The following RAB27B variants were observed in gnomAD, a reference collection of about 807,000 sequenced individuals.
The protein encoded by RAB27B is RAB27B, member RAS oncogene family.
Under a neutral mutation model 24.6 loss-of-function variants are expected in RAB27B, and 15 were observed. The ratio of observed to expected loss-of-function variants is 0.61; its 90% CI spans 0.41 to 0.94. The LOEUF (loss-of-function observed/expected upper bound fraction) is 0.94. RAB27B is among the 40% of genes least tolerant of loss of function. RAB27B has a pLI of 0.00. For synonymous variants in RAB27B, 105 were observed against 92.5 expected (o/e 1.14, Z -0.78); for missense variants, 261 against 266.8 (o/e 0.98, Z 0.15).
intron 1 of RAB27B, among the ~76,000 whole-genome samples, chr18:54,866,302 G>A (rs1321906845): frequency 2.8e-5 from 4 of 141,132 alleles, no homozygotes; most frequent in African/African-American, 5.1e-5. Flanking sequence ...TGCCCCCCGC[G>A]CCCTGCGCTC....
At position 54,891,460 on chromosome 18, in the gene RAB27B, T is replaced by G. The variant is rs1455204710; in HGVS notation, c.*2047T>G. On this transcript the variant is annotated 3_prime_UTR_variant, in exon 6 of 6. Transcript: ENST00000262094. ...GCCATGAAGATAGAAAACTGTAAGC[T>G]AACATTTAAGATGTTTCTTCTGGAA... 6.6e-6 allele frequency: 1 copy of G among 152,104 alleles called. No homozygotes were observed. The highest frequency in any genetic ancestry group is 1.5e-5 in the Non-Finnish European group (1 of 68,002). 9.4% of individuals were successfully genotyped at this position (152,104 alleles called of 1,614,324 possible). A position where few individuals can be genotyped will look rare whatever the true frequency, so the allele number is the denominator to read the frequency against.
intron 2 of RAB27B, among the ~76,000 whole-genome samples, chr18:54,737,610 G>C (rs1229611603): frequency 6.6e-6 from 1 of 152,088 alleles, no homozygotes; most frequent in Non-Finnish European, 1.5e-5. Flanking sequence ...AATAATCTTT[G>C]TATTTCCAGC....
intron 1 of RAB27B, among the ~76,000 whole-genome samples, chr18:54,850,394 CAG>C (rs1404946132): frequency 3.9e-5 from 5 of 127,286 alleles, no homozygotes; most frequent in African/African-American, 1.6e-4. Flanking sequence ...TTTCTTGAGA[CAG>C]AGTCTCACTC....
chr18:54,797,779 A>G (rs1025506848), intron 2 of RAB27B, among the ~76,000 whole-genome samples: 6 of 152,172 alleles, frequency 3.9e-5, no homozygotes, highest in African/African-American at 1.4e-4. Context: ...AACTGAGAAT[A>G]GTTAACATTT....
intron 1 of RAB27B, among the ~76,000 whole-genome samples, chr18:54,836,319 T>C (rs1405309291): frequency 3.3e-5 from 5 of 151,974 alleles, no homozygotes; most frequent in Non-Finnish European, 5.9e-5. Flanking sequence ...TCTGATTCCT[T>C]ACAGTTTTCA....
chr18:54,755,980 T>G (rs903755917), intron 2 of RAB27B, among the ~76,000 whole-genome samples: 1 of 152,218 alleles, frequency 6.6e-6, no homozygotes, highest in Non-Finnish European at 1.5e-5. Flanking sequence ...AACCTATTAA[T>G]AGTAACTGTT....
At chr18:54,805,991 T>G (rs1909779866) in intron 2 of RAB27B, among the ~76,000 whole-genome samples, 1 of 152,202 alleles carries the variant, frequency 6.6e-6, no homozygotes, top group Non-Finnish European at 1.5e-5. Context: ...TTGTACCAGG[T>G]CACTCAATTG....
In RAB27B at chr18:54,868,088, CAGTG is replaced by C. The variant is rs569530126; in HGVS notation, c.-19-9474_-19-9471del. ...TCATGGCTTGGTGCTGTCTTTGTGA[CAGTG>C]AGTGTGTTCATACAAGATTAGTTCT... On this transcript the variant is annotated intron_variant, in intron 1 of 5. Coordinates refer to ENST00000262094, the MANE Select transcript of RAB27B (RefSeq NM_004163.4). Among the ~76,000 whole-genome samples, 36 of 152,204 alleles carry C rather than the reference CAGTG, an allele frequency of 2.4e-4. No homozygotes were observed. The South Asian group carries it at 7.3e-3, about 31-fold the overall frequency.
At chr18:54,728,263 C>G (rs2144985403) in intron 2 of RAB27B, among the ~76,000 whole-genome samples, 1 of 152,238 alleles carries the variant, frequency 6.6e-6, no homozygotes, top group South Asian at 2.1e-4. Context: ...TTGGCCATCT[C>G]CATCCAAGTG....
chr18:54,841,686 CTG>C, intron 1 of RAB27B, among the ~76,000 whole-genome samples: 1 of 152,224 alleles, frequency 6.6e-6, no homozygotes, highest in African/African-American at 2.4e-5. Context: ...TTATAAATAA[CTG>C]TAGGTTCAGC....
At chr18:54,771,046 A>T (rs1395610021) in intron 2 of RAB27B, among the ~76,000 whole-genome samples, 1 of 152,172 alleles carries the variant, frequency 6.6e-6, no homozygotes, top group African/African-American at 2.4e-5. Context: ...TGAAGGCTCC[A>T]TGCAGTATGA....
At chr18:54,865,346 A>G (rs773942729) in intron 1 of RAB27B, among the ~76,000 whole-genome samples, 6 of 151,000 alleles carry the variant, frequency 4.0e-5, no homozygotes, top group Admixed American at 1.3e-4. Flanking sequence ...AAACTATGTT[A>G]GTTGGTACCT....
At chr18:54,844,823 T>C (rs1290653115) in intron 1 of RAB27B, among the ~76,000 whole-genome samples, 1 of 152,204 alleles carries the variant, frequency 6.6e-6, no homozygotes, top group Non-Finnish European at 1.5e-5. Flanking sequence ...TTCACATGTT[T>C]ATTTTCCAGC....
rs1913394464 is a variant in RAB27B at position 54,892,199 on chromosome 18, G to A, written c.*2786G>A. On this transcript the variant is annotated 3_prime_UTR_variant, in exon 6 of 6. Transcript: ENST00000262094. ...CGTATTTAGGAGAAATGTTGAAAAT[G>A]TACATGAAGCTCCTTTCTGATATAG... 6.6e-6 allele frequency: 1 copy of A among 152,052 alleles called. No individual in the cohort carries two copies. The highest frequency in any genetic ancestry group is 2.4e-5 in the African/African-American group (1 of 41,434). The allele number at this position is 152,052 out of a possible 1,614,324, so 9.4% of individuals were successfully genotyped here. A position where few individuals can be genotyped will look rare whatever the true frequency, so the allele number is the denominator to read the frequency against.
chr18:54,729,661 T>G (rs1184854460), intron 2 of RAB27B, among the ~76,000 whole-genome samples: 2 of 152,116 alleles, frequency 1.3e-5, no homozygotes, highest in Admixed American at 1.3e-4. Flanking sequence ...AAAGCCTGAT[T>G]AACCCATAGA....
intron 2 of RAB27B, among the ~76,000 whole-genome samples, chr18:54,798,002 A>T (rs1046881218): frequency 2.6e-5 from 4 of 152,140 alleles, no homozygotes; most frequent in Non-Finnish European, 5.9e-5. Flanking sequence ...GATTCGGATA[A>T]GTTGAATATT....
intron 2 of RAB27B, among the ~76,000 whole-genome samples, chr18:54,819,543 A>G (rs1456425041): frequency 2.0e-5 from 3 of 149,130 alleles, no homozygotes; most frequent in Non-Finnish European, 4.4e-5. Flanking sequence ...AAAAAAAAAA[A>G]AAAAGAAAAA....
At chr18:54,872,494 G>A (rs1178224822) in intron 1 of RAB27B, among the ~76,000 whole-genome samples, 1 of 151,810 alleles carries the variant, frequency 6.6e-6, no homozygotes, top group East Asian at 1.9e-4. Flanking sequence ...GCATGGTGGT[G>A]CATGCCTGTA....
In RAB27B at chr18:54,728,881, AAAAAAAAAAAAAAAAAAAACCC is replaced by A. The variant is rs1272054932; in HGVS notation, c.-20+10760_-20+10781del. ...ACAGAGTAAGACTCTGTCTCAAAAA[AAAAAAAAAAAAAAAAAAAACCC>A]AAAAAAAAAAAAAAAAAAAACCACC... On this transcript the variant is annotated intron_variant, in intron 2 of 4. Coordinates refer to the RAB27B transcript ENST00000586570. Among the ~76,000 whole-genome samples, 67 of 93,820 alleles carry A rather than the reference AAAAAAAAAAAAAAAAAAAACCC, an allele frequency of 7.1e-4. 1 individual carries two copies. Among genetic ancestry groups the A allele is most frequent in the East Asian group, 1.3e-3 (5 of 3,836 alleles). 61.5% of individuals were successfully genotyped at this position (93,820 alleles called of 152,430 possible).
Sources: allele counts gnomAD v4.1 joint callset (sites outside exome capture counted in the v4.1 genomes callset), GRCh38; gene constraint gnomAD v4.1.1; transcripts MANE v1.5; gene names NCBI Gene and HGNC (gene_info 2026-07-23, HGNC 2026-07-21).